The following ABHD18 variants were observed in gnomAD, a reference collection of about 807,000 sequenced individuals.
ABHD18 encodes cardiolipin-specific deacylase, mitochondrial.
In ABHD18, 55 loss-of-function variants were observed where a neutral mutation model predicts 65.9. That is an observed-to-expected ratio of 0.84 (90% CI 0.67 to 1.05). The LOEUF (loss-of-function observed/expected upper bound fraction) is 1.05. Among genes scored for constraint, ABHD18 ranks in the 50% least tolerant of loss-of-function variants. The pLI is 0.00. For missense variants in ABHD18, 533 were observed against 558.5 expected, an observed-to-expected ratio of 0.95 and a Z score of 0.46; for synonymous variants, 181 against 180.2, an observed-to-expected ratio of 1.00 and a Z score of -0.04.
rs148512447 is a variant in ABHD18, at chr4:128,030,923, A to G, written c.1343+251A>G. 74 of 1,158,930 alleles carry G rather than the reference A, an allele frequency of 6.4e-5. No homozygotes were observed. In the East Asian group the frequency reaches 3.3e-3, roughly 52 times the overall value. 71.8% of individuals were successfully genotyped at this position (1,158,930 alleles called of 1,614,324 possible). A position where few individuals can be genotyped will look rare whatever the true frequency, so the allele number is the denominator to read the frequency against. On this transcript the variant is annotated intron_variant, in intron 12 of 12. Transcript: ENST00000645843. ...TTATCGTGTGGCTTTCCCCTCTTCA[A>G]ATATTAATGGCCAGGTATTTTAGGA...
At chr4:127,997,905 T>C (rs1752011482) in intron 4 of ABHD18, among the ~76,000 whole-genome samples, 1 of 152,128 alleles carries the variant, frequency 6.6e-6, no homozygotes, top group South Asian at 2.1e-4. Flanking sequence ...TGTTTTTTGT[T>C]TTTTGACAGA....
At chr4:127,968,157 C>T (rs921012155) in intron 1 of ABHD18, among the ~76,000 whole-genome samples, 13 of 152,180 alleles carry the variant, frequency 8.5e-5, no homozygotes, top group African/African-American at 3.1e-4. Context: ...TTGTAGTGAG[C>T]CGAGATTGCG....
At chr4:128,026,234 G>A (rs1757330985) in intron 10 of ABHD18, among the ~76,000 whole-genome samples, 1 of 152,100 alleles carries the variant, frequency 6.6e-6, no homozygotes, top group African/African-American at 2.4e-5. Flanking sequence ...GTTGCAGTGA[G>A]CCAAGATCAT....
chr4:128,031,791 T>C (rs931941328), intron 12 of ABHD18, among the ~76,000 whole-genome samples: 1 of 152,258 alleles, frequency 6.6e-6, no homozygotes. Flanking sequence ...TTGAAGGATA[T>C]AGTAAACCTT....
chr4:127,974,995 C>T (rs1211695469), intron 1 of ABHD18, among the ~76,000 whole-genome samples: 2 of 33,600 alleles, frequency 6.0e-5, no homozygotes, highest in African/African-American at 2.8e-4. Context: ...AAAACTGTGT[C>T]TCAAAAAAAA....
At chr4:128,005,994 TC>T (rs1374718459) in intron 4 of ABHD18, among the ~76,000 whole-genome samples, 1 of 152,178 alleles carries the variant, frequency 6.6e-6, no homozygotes, top group Non-Finnish European at 1.5e-5. Flanking sequence ...CTATAGTCTG[TC>T]CCAATTCCAT....
At chr4:127,979,723 C>T (rs936677284) in intron 1 of ABHD18, among the ~76,000 whole-genome samples, 4 of 152,120 alleles carry the variant, frequency 2.6e-5, no homozygotes, top group African/African-American at 9.6e-5. Flanking sequence ...TGAGACCAGC[C>T]TGGCCAACAT....
chr4:127,984,817 G>T (rs1300933226), intron 3 of ABHD18, among the ~76,000 whole-genome samples: 2 of 152,172 alleles, frequency 1.3e-5, no homozygotes, highest in Non-Finnish European at 2.9e-5. Flanking sequence ...CCAAGATCAC[G>T]CCTTTGCATT....
intron 4 of ABHD18, among the ~76,000 whole-genome samples, chr4:128,002,279 T>TA (rs1318114251): frequency 1.3e-5 from 2 of 151,548 alleles, no homozygotes; most frequent in East Asian, 3.9e-4. Context: ...CATCTTTTTT[T>TA]TTTTTTTCTT....
At chr4:128,009,029 A>G in intron 5 of ABHD18, 31 bp downstream of exon 5, 1 of 1,591,250 alleles carries the variant, frequency 6.3e-7, no homozygotes, top group East Asian at 2.2e-5. Flanking sequence ...CTTAATCTCT[A>G]GATAATTTGT....
intron 7 of ABHD18, among the ~76,000 whole-genome samples, chr4:128,016,272 AT>A (rs1450502147): frequency 6.6e-6 from 1 of 152,000 alleles, no homozygotes; most frequent in African/African-American, 2.4e-5. Context: ...TTATAAGGAA[AT>A]ATACTTCTGT....
chr4:127,981,697 A>G (rs1749082698), intron 1 of ABHD18, among the ~76,000 whole-genome samples: 1 of 152,216 alleles, frequency 6.6e-6, no homozygotes, highest in Non-Finnish European at 1.5e-5. Context: ...GTATAGTGGT[A>G]GACACAAATA....
In ABHD18 at chr4:127,994,939, G is replaced by C. The variant is rs572252842; in HGVS notation, c.278+5118G>C. Among the ~76,000 whole-genome samples, 78 of 152,218 alleles carry C rather than the reference G, an allele frequency of 5.1e-4. 2 individuals carry two copies. In the Middle Eastern group the frequency reaches 0.017, roughly 33 times the overall value. On this transcript the variant is annotated intron_variant, in intron 4 of 12. Transcript: ENST00000645843. ...CTGTTGCCCAGGCTGGAGTGCAGTG[G>C]CGCGATCTTGGCTTACTGCAACCTC...
At chr4:128,034,542 C>G (rs1342036055) in intron 12 of ABHD18, among the ~76,000 whole-genome samples, 1 of 151,694 alleles carries the variant, frequency 6.6e-6, no homozygotes, top group African/African-American at 2.4e-5. Flanking sequence ...CTGAGAGTAA[C>G]CACTGCACTC....
chr4:128,024,315 C>T (rs1300630646), intron 10 of ABHD18, among the ~76,000 whole-genome samples: 1 of 152,126 alleles, frequency 6.6e-6, no homozygotes, highest in African/African-American at 2.4e-5. Flanking sequence ...GGGCATTAGT[C>T]CATTTATGAG....
chr4:128,029,256 GGCT>G (rs903945218), intron 11 of ABHD18, among the ~76,000 whole-genome samples: 1 of 152,060 alleles, frequency 6.6e-6, no homozygotes, highest in African/African-American at 2.4e-5. Flanking sequence ...CTACTTGGGA[GGCT>G]GAAGTGGAAG....
chr4:127,968,014 G>T (rs1560804575), intron 1 of ABHD18, among the ~76,000 whole-genome samples: 1 of 152,086 alleles, frequency 6.6e-6, no homozygotes, highest in Non-Finnish European at 1.5e-5. Flanking sequence ...GAGGTCAGGA[G>T]GTCGAGACCA....
intron 4 of ABHD18, among the ~76,000 whole-genome samples, chr4:127,997,058 G>C (rs535658341): frequency 6.6e-6 from 1 of 152,318 alleles, no homozygotes; most frequent in East Asian, 1.9e-4. Context: ...TTAAAGTAAA[G>C]ACAGGCATAA....
Position 128,035,754 on chromosome 4 carries a change from A to G in ABHD18, c.1344-8A>G. ...TACTTAGAGTTTTTCTTTCATATTT[A>G]ATTTTAGACAAGCCATCTATGATGC... is the stretch of plus-strand genomic sequence containing the variant. On this transcript the variant is annotated splice_polypyrimidine_tract_variant and splice_region_variant and intron_variant, in intron 12 of 12. Transcript: ENST00000645843. 6.6e-7 allele frequency: 1 copy of G among 1,505,724 alleles called. No homozygotes were observed. The highest frequency in any genetic ancestry group is 1.2e-5 in the South Asian group (1 of 80,628). 93.3% of individuals were successfully genotyped at this position (1,505,724 alleles called of 1,614,324 possible).
Sources: gnomAD v4.1 joint callset for allele counts (sites outside exome capture counted in the v4.1 genomes callset) on GRCh38, gnomAD v4.1.1 for gene constraint, MANE v1.5 for transcripts, NCBI Gene and HGNC (gene_info 2026-07-23, HGNC 2026-07-21) for gene names.